Variants in KLHL1 observed in about 807,000 individuals in gnomAD.
KLHL1 encodes the protein kelch-like protein 1.
Under a neutral mutation model 77.7 loss-of-function variants are expected in KLHL1, and 47 were observed. The ratio of observed to expected loss-of-function variants is 0.60; its 90% CI spans 0.48 to 0.77. The LOEUF (loss-of-function observed/expected upper bound fraction) is 0.77. KLHL1 is among the 30% of genes least tolerant of loss of function. The pLI, the probability that KLHL1 is intolerant of heterozygous loss-of-function variation, is 0.00. For synonymous variants in KLHL1, 360 were observed against 325.2 expected (o/e 1.11, Z -1.15); for missense variants, 925 against 910.8 (o/e 1.02, Z -0.20).
intron 4 of KLHL1, among the ~76,000 whole-genome samples, chr13:69,931,256 T>C (rs564564457): frequency 6.6e-6 from 1 of 151,756 alleles, no homozygotes; most frequent in Non-Finnish European, 1.5e-5. Flanking sequence ...TTACTCAGTG[T>C]TAAATAAATC....
chr13:69,740,747 A>T (rs776685044), intron 7 of KLHL1, among the ~76,000 whole-genome samples, 191 bp from the exon 8 acceptor site: 1 of 152,224 alleles, frequency 6.6e-6, no homozygotes, highest in Non-Finnish European at 1.5e-5. Flanking sequence ...CTATGAATTC[A>T]TTCAGCATAG....
chr13:69,772,103 C>A (rs1394178977), intron 7 of KLHL1, among the ~76,000 whole-genome samples: 1 of 152,052 alleles, frequency 6.6e-6, no homozygotes, highest in Admixed American at 6.6e-5. Context: ...AGGCGCCTGC[C>A]ACCACGCCCA....
intron 4 of KLHL1, among the ~76,000 whole-genome samples, chr13:69,922,971 A>G (rs1341118370): frequency 1.3e-5 from 2 of 152,232 alleles, no homozygotes; most frequent in Admixed American, 6.5e-5. Flanking sequence ...GAAATATTTG[A>G]AAGCATTGCA....
intron 5 of KLHL1, among the ~76,000 whole-genome samples, chr13:69,853,369 G>A (rs1156740646): frequency 6.6e-6 from 1 of 151,960 alleles, no homozygotes; most frequent in Non-Finnish European, 1.5e-5. Context: ...ACCATATGAA[G>A]AAGGATGTTG....
chr13:70,060,891 T>G (rs1363970428), intron 1 of KLHL1, among the ~76,000 whole-genome samples: 5 of 152,114 alleles, frequency 3.3e-5, no homozygotes, highest in Admixed American at 3.3e-4. Context: ...AGAGTACCCT[T>G]CAGCTATAAA....
chr13:69,871,419 C>T (rs563770567), intron 5 of KLHL1, among the ~76,000 whole-genome samples: 298 of 152,254 alleles, frequency 2.0e-3, no homozygotes, highest in Non-Finnish European at 3.1e-3. Flanking sequence ...CCTTTAGTCA[C>T]GCTAATTTCT....
intron 1 of KLHL1, among the ~76,000 whole-genome samples, chr13:70,053,373 A>G (rs748407983): frequency 1.3e-5 from 2 of 152,088 alleles, no homozygotes; most frequent in Non-Finnish European, 2.9e-5. Context: ...ATTTATTCTT[A>G]GGAATATAGG....
intron 1 of KLHL1, among the ~76,000 whole-genome samples, chr13:70,054,499 T>C (rs1886698741): frequency 6.6e-6 from 1 of 152,134 alleles, no homozygotes; most frequent in Non-Finnish European, 1.5e-5. Flanking sequence ...TGTTAATGGA[T>C]ATTTGTTTCC....
At chr13:70,043,859 A>G (rs1343216213) in intron 1 of KLHL1, among the ~76,000 whole-genome samples, 2 of 152,202 alleles carry the variant, frequency 1.3e-5, no homozygotes, top group Non-Finnish European at 2.9e-5. Context: ...ACATGACTGT[A>G]CTTCAAGAAT....
intron 4 of KLHL1, chr13:69,895,203 G>A (rs1881585885): frequency 2.0e-6 from 1 of 501,432 alleles, no homozygotes; most frequent in South Asian, 1.5e-5. Context: ...GGCACTGAAT[G>A]TGAGGTGTTA....
chr13:69,885,357 G>A (rs1305539213), intron 4 of KLHL1, among the ~76,000 whole-genome samples: 1 of 151,978 alleles, frequency 6.6e-6, no homozygotes, highest in East Asian at 1.9e-4. Flanking sequence ...ACTGCTATAA[G>A]GAAATGGGAC....
intron 9 of KLHL1, among the ~76,000 whole-genome samples, chr13:69,715,525 ATTT>A (rs74759894): frequency 0.03 from 3,994 of 132,392 alleles, 69 homozygotes; most frequent in Middle Eastern, 0.065. Context: ...TTTATTATTT[ATTT>A]TTTTTTTTTT....
At chr13:69,760,286 T>C (rs17085337) in intron 7 of KLHL1, among the ~76,000 whole-genome samples, 12,489 of 152,060 alleles carry the variant, frequency 0.082, 581 homozygotes, top group Non-Finnish European at 0.1. Flanking sequence ...TGTAAACACC[T>C]TATCCAGAAT....
chr13:69,822,535 T>C (rs1469765378), intron 6 of KLHL1, among the ~76,000 whole-genome samples: 2 of 152,116 alleles, frequency 1.3e-5, no homozygotes, highest in African/African-American at 2.4e-5. Flanking sequence ...ATACATGAAG[T>C]CATTACTTAT....
At chr13:70,074,085 C>G (rs2137421588) in intron 1 of KLHL1, among the ~76,000 whole-genome samples, 1 of 152,212 alleles carries the variant, frequency 6.6e-6, no homozygotes, top group Non-Finnish European at 1.5e-5. Flanking sequence ...CCTCGGCCTC[C>G]CAAAGTGCTG....
chr13:69,805,332 A>C (rs1877571745), intron 6 of KLHL1, among the ~76,000 whole-genome samples: 1 of 151,942 alleles, frequency 6.6e-6, no homozygotes, highest in Non-Finnish European at 1.5e-5. Context: ...AAAATCCAGC[A>C]TTTTGCTTGC....
chr13:70,102,162 A>T (rs1887937127), intron 1 of KLHL1, among the ~76,000 whole-genome samples: 1 of 152,148 alleles, frequency 6.6e-6, no homozygotes, highest in South Asian at 2.1e-4. Context: ...TGTTTTAAAC[A>T]AGTGCCTGGT....
rs535972542 is a variant in KLHL1 at position 69,983,682 on chromosome 13, G to A, written c.498-7880C>T. Among the ~76,000 whole-genome samples, 9 of 151,204 alleles carry A rather than the reference G, an allele frequency of 6.0e-5. No homozygotes were observed. The South Asian group carries it at 1.9e-3, about 32-fold the overall frequency. ...CTCAGGAGGCTATGACAGGAGGGTC[G>A]CTTGAGCCCAGGAGTTAAGAGTCGG... On this transcript the variant is annotated intron_variant, in intron 1 of 10. Transcript: ENST00000377844.
chr13:69,998,354 C>T (rs1238068068), intron 1 of KLHL1, among the ~76,000 whole-genome samples: 2 of 151,968 alleles, frequency 1.3e-5, no homozygotes, highest in African/African-American at 4.8e-5. Context: ...ACAATGGGAG[C>T]TCCCATTGTG....
Sources: allele counts gnomAD v4.1 joint callset (sites outside exome capture counted in the v4.1 genomes callset), GRCh38; gene constraint gnomAD v4.1.1; transcripts MANE v1.5; gene names NCBI Gene and HGNC (gene_info 2026-07-23, HGNC 2026-07-21).